Variants in OR2AJ1 observed in about 807,000 individuals in gnomAD.
OR2AJ1 encodes olfactory receptor 2AJ1.
For missense variants in OR2AJ1, 280 were observed against 163.2 expected (o/e 1.72, Z -3.90); for synonymous variants, 105 against 60.3 (o/e 1.74, Z -3.44).
intron 1 of OR2AJ1, among the ~76,000 whole-genome samples, chr1:247,928,954 C>T (rs765750704): frequency 1.1e-4 from 17 of 152,160 alleles, no homozygotes; most frequent in Admixed American, 3.3e-4. Flanking sequence ...ATTATCCGGG[C>T]GTGGTCGTGG....
chr1:247,933,718 TTTA>T, intron 1 of OR2AJ1, 26 bp from the exon 2 acceptor site: 1 of 556,480 alleles, frequency 1.8e-6, no homozygotes, highest in Non-Finnish European at 3.2e-6. Flanking sequence ...ATATTTTTTC[TTTA>T]TTATTAATTC....
chr1:247,932,001 G>T (rs1273325557), intron 1 of OR2AJ1, among the ~76,000 whole-genome samples: 1 of 152,220 alleles, frequency 6.6e-6, no homozygotes, highest in African/African-American at 2.4e-5. Flanking sequence ...CTGAATCTGT[G>T]TGTATCATCA....
chr1:247,927,852 G>T (rs896188162), intron 1 of OR2AJ1, among the ~76,000 whole-genome samples: 3 of 152,072 alleles, frequency 2.0e-5, no homozygotes, highest in Non-Finnish European at 2.9e-5. Context: ...CCAACTACAA[G>T]ATTTTATTCT....
chr1:247,934,350 C>G lies in OR2AJ1; in HGVS notation c.582C>G (p.Arg194=), dbSNP rs1446474861. ...MLKLSCADTT[R]YERGVCVSAV... is the part of the protein sequence containing the mutation. Reference sequence around the variant, plus strand: ...AGTTGTCCTGTGCAGACACAACACGCTATGAACGAGGGGTTTGTGTAAGTG... The same window carrying G: ...AGTTGTCCTGTGCAGACACAACACGGTATGAACGAGGGGTTTGTGTAAGTG... Residue 194 remains arginine, a synonymous_variant, in exon 2 of 2, where the codon CGC becomes CGG. Coordinates refer to ENST00000318244, the MANE Select transcript of OR2AJ1 (RefSeq NM_001355235.2). 1 of 730,128 alleles carries G rather than the reference C, an allele frequency of 1.4e-6. No individual in the cohort carries two copies. Among genetic ancestry groups the G allele is most frequent in the African/African-American group, 1.7e-5 (1 of 57,650 alleles). The allele number at this position is 730,128 out of a possible 1,614,324, so 45.2% of individuals were successfully genotyped here.
rs1464370065 is a variant in OR2AJ1 at position 247,934,466 on chromosome 1, C to A, written c.698C>A (p.Ala233Glu). 1 of 717,482 alleles carries A rather than the reference C, an allele frequency of 1.4e-6. No individual in the cohort carries two copies. The highest frequency in any genetic ancestry group is 2.6e-6 in the Non-Finnish European group (1 of 385,098). The allele number at this position is 717,482 out of a possible 1,614,324, so 44.4% of individuals were successfully genotyped here. ...LTVLQMKSSE[A>E]RKKSFSTCSF... ...GTCCTCCAGATGAAATCATCAGAGG[C>A]AAGGAAAAAGTCATTTTCCACTTGT... Residue 233 changes from alanine (A) to glutamate (E), a missense_variant, in exon 2 of 2, where the codon GCA becomes GAA. Coordinates refer to ENST00000318244, the MANE Select transcript of OR2AJ1 (RefSeq NM_001355235.2).
rs1412069788 is a variant in OR2AJ1 at position 247,934,672 on chromosome 1, A to G, written c.904A>G (p.Lys302Glu). 5.6e-6 allele frequency: 4 copies of G among 716,966 alleles called. No homozygotes were observed. The East Asian group carries it at 1.1e-4, about 19-fold the overall frequency. 44.4% of individuals were successfully genotyped at this position (716,966 alleles called of 1,614,324 possible). A position where few individuals can be genotyped will look rare whatever the true frequency, so the allele number is the denominator to read the frequency against. The stretch of plus-strand genomic sequence containing the variant: ...GAATAAAGATGTTCTGGCGGTGATG[A>G]AAAATATGCTCAAAAGTAACTTTCT... Reference protein sequence around the residue: ...FRNKDVLAVMKNMLKSNFLHK... With the variant: ...FRNKDVLAVMENMLKSNFLHK... The change falls in exon 2 of 2, where the codon AAA becomes GAA. Residue 302 changes from lysine (K) to glutamate (E), a missense_variant. By Grantham distance (56) the Lys-to-Glu change is moderately conservative. Coordinates refer to ENST00000318244, the MANE Select transcript of OR2AJ1 (RefSeq NM_001355235.2).
chr1:247,930,890 C>T (rs1190782417), intron 1 of OR2AJ1, among the ~76,000 whole-genome samples: 1 of 152,164 alleles, frequency 6.6e-6, no homozygotes, highest in Non-Finnish European at 1.5e-5. Context: ...GCTGGTGTCA[C>T]TCTATATTTC....
chr1:247,933,844 GTCT>G lies in OR2AJ1; in HGVS notation c.84_86del (p.Phe28del), dbSNP rs372781315. ...GTTCTCTTCTTCCCCAACAAGTGTGGTCTTCTTCTTAGTTTTATTTGTCATTTT... is the reference window on the plus strand; with the variant it reads ...GTTCTCTTCTTCCCCAACAAGTGTGGTCTTCTTAGTTTTATTTGTCATTTT... On this transcript the variant is annotated inframe_deletion, in exon 2 of 2. Coordinates refer to ENST00000318244, the MANE Select transcript of OR2AJ1 (RefSeq NM_001355235.2). 1.5e-5 allele frequency: 10 copies of G among 673,678 alleles called. No homozygotes were observed. Among genetic ancestry groups the G allele is most frequent in the African/African-American group, 1.1e-4 (6 of 56,026 alleles). 41.7% of individuals were successfully genotyped at this position (673,678 alleles called of 1,614,324 possible). A position where few individuals can be genotyped will look rare whatever the true frequency, so the allele number is the denominator to read the frequency against.
Position 247,933,735 on chromosome 1 carries a change from A to C in OR2AJ1, c.-22-12A>C. On this transcript the variant is annotated splice_polypyrimidine_tract_variant and intron_variant, in intron 1 of 1. Transcript: ENST00000318244. ...ATTTTTTCTTTATTATTAATTCATT[A>C]TTTCTTTTTAGGTTAAAAAATAGAG... 1.8e-6 allele frequency: 1 copy of C among 564,152 alleles called. No individual in the cohort carries two copies. Among genetic ancestry groups the C allele is most frequent in the Non-Finnish European group, 3.2e-6 (1 of 311,680 alleles). 34.9% of individuals were successfully genotyped at this position (564,152 alleles called of 1,614,324 possible).
chr1:247,926,611 G>T (rs909283004), intron 1 of OR2AJ1, among the ~76,000 whole-genome samples: 1 of 152,144 alleles, frequency 6.6e-6, no homozygotes, highest in Non-Finnish European at 1.5e-5. Flanking sequence ...TCCTTCTACT[G>T]CAGTCTCAAT....
At chr1:247,933,327 C>A (rs1485950500) in intron 1 of OR2AJ1, among the ~76,000 whole-genome samples, 1 of 151,970 alleles carries the variant, frequency 6.6e-6, no homozygotes, top group African/African-American at 2.4e-5. Context: ...ATTTAATGTA[C>A]TAGAAGGTGA....
At chr1:247,929,325 C>T (rs1393487815) in intron 1 of OR2AJ1, among the ~76,000 whole-genome samples, 5 of 152,066 alleles carry the variant, frequency 3.3e-5, no homozygotes, top group South Asian at 2.1e-4. Context: ...TTCTGATTCA[C>T]GCATTATATT....
chr1:247,933,663 A>AT (rs1446399824), intron 1 of OR2AJ1, 84 bp from the exon 2 acceptor site: 1 of 499,990 alleles, frequency 2.0e-6, no homozygotes, highest in African/African-American at 2.0e-5. Context: ...ACTAACTCTC[A>AT]TTTTATTATG....
At chr1:247,929,251 G>A (rs963225174) in intron 1 of OR2AJ1, among the ~76,000 whole-genome samples, 5 of 152,172 alleles carry the variant, frequency 3.3e-5, no homozygotes, top group African/African-American at 9.6e-5. Context: ...CTCATTCAGT[G>A]TGGTGAGTTT....
chr1:247,925,774 C>A (rs751552947), intron 1 of OR2AJ1, among the ~76,000 whole-genome samples: 2 of 151,994 alleles, frequency 1.3e-5, no homozygotes, highest in African/African-American at 4.8e-5. Context: ...CCTATAAAAG[C>A]GGGTGCTAAA....
chr1:247,932,612 AAGT>A (rs1660166691), intron 1 of OR2AJ1, among the ~76,000 whole-genome samples: 2 of 152,210 alleles, frequency 1.3e-5, no homozygotes, highest in Non-Finnish European at 2.9e-5. Flanking sequence ...TTATTCAAAC[AAGT>A]AGTTGTTAAT....
chr1:247,932,164 C>A (rs1321390181), intron 1 of OR2AJ1, among the ~76,000 whole-genome samples: 2 of 152,158 alleles, frequency 1.3e-5, no homozygotes, highest in African/African-American at 2.4e-5. Flanking sequence ...CATGGTGAAA[C>A]CCCATTTCTA....
intron 1 of OR2AJ1, among the ~76,000 whole-genome samples, chr1:247,926,109 C>T (rs757929502): frequency 2.6e-5 from 4 of 151,880 alleles, no homozygotes; most frequent in Non-Finnish European, 5.9e-5. Flanking sequence ...TTAAATCATG[C>T]CATTTTATTT....
rs74449040 is a variant in OR2AJ1 at position 247,927,976 on chromosome 1, A to G, written c.-23+2808A>G. On this transcript the variant is annotated intron_variant, in intron 1 of 1. Coordinates refer to ENST00000318244, the MANE Select transcript of OR2AJ1 (RefSeq NM_001355235.2). ...TCTTGGATATTGTGAACAGTGTGGC[A>G]CTAAACATTGAGGTACAGATGTCCC... is the stretch of plus-strand genomic sequence containing the variant. Among the ~76,000 whole-genome samples the G allele has an allele frequency of 9.6e-3, 1,463 of 152,342 alleles. 30 individuals are homozygous for G. Among genetic ancestry groups the G allele is most frequent in the African/African-American group, 0.033 (1,378 of 41,588 alleles).
Sources: gnomAD v4.1 joint callset for allele counts (sites outside exome capture counted in the v4.1 genomes callset) on GRCh38, gnomAD v4.1.1 for gene constraint, MANE v1.5 for transcripts, NCBI Gene and HGNC (gene_info 2026-07-23, HGNC 2026-07-21) for gene names.